STPG2: variants seen among roughly 807,000 people sequenced by gnomAD.
STPG2 encodes the protein sperm-tail PG-rich repeat-containing protein 2.
STPG2 carries 56 observed loss-of-function variants against 54.2 expected under a neutral mutation model. The observed-to-expected ratio is 1.03, with a 90% CI of 0.83 to 1.29. The LOEUF (loss-of-function observed/expected upper bound fraction) is 1.29, where lower values mean the gene tolerates loss of function less well. Among genes scored for constraint, STPG2 ranks in the 50% most tolerant of loss-of-function variants. The probability of loss-of-function intolerance (pLI) is 0.00; values close to 1 mark genes in which losing one functional copy is unlikely to be tolerated. For synonymous variants in STPG2, 200 were observed against 181.8 expected, an observed-to-expected ratio of 1.10 and a Z score of -0.81; for missense variants, 596 against 544.9, an observed-to-expected ratio of 1.09 and a Z score of -0.93.
chr4:98,089,624 T>G (rs564000867), intron 5 of STPG2, among the ~76,000 whole-genome samples: 93 of 152,180 alleles, frequency 6.1e-4, no homozygotes, highest in African/African-American at 2.2e-3. Context: ...TTAAGGAATA[T>G]CCACACTGTT....
intron 5 of STPG2, among the ~76,000 whole-genome samples, chr4:98,087,761 C>T (rs914616010): frequency 3.3e-5 from 5 of 152,004 alleles, no homozygotes; most frequent in Admixed American, 2.0e-4. Context: ...GGGGTTTCAC[C>T]GTGTTAGCCA....
chr4:97,831,136 C>T (rs1252880147), intron 9 of STPG2, among the ~76,000 whole-genome samples: 1 of 152,188 alleles, frequency 6.6e-6, no homozygotes, highest in Non-Finnish European at 1.5e-5. Context: ...AAACACTCTT[C>T]AGCAAATGCA....
chr4:97,470,042 C>A (rs1729885115), intron 4 of STPG2, among the ~76,000 whole-genome samples: 1 of 151,972 alleles, frequency 6.6e-6, no homozygotes, highest in Non-Finnish European at 1.5e-5. Flanking sequence ...ACAGTGAATC[C>A]TATTGAAACC....
Position 98,046,193 on chromosome 4 carries a change from T to C in STPG2, c.612+59760A>G, listed in dbSNP as rs72884216. Among the ~76,000 whole-genome samples the C allele has an allele frequency of 9.1e-4, 138 of 152,290 alleles. 2 individuals carry two copies. The highest frequency in any genetic ancestry group is 3.3e-3 in the African/African-American group (137 of 41,568). ...GATCAGTTGCTGGATTCTTCAGCTC[T>C]ATCACTTCTGTCTGACTTTTTTCTA... On this transcript the variant is annotated intron_variant, in intron 5 of 10. Coordinates refer to ENST00000295268, the MANE Select transcript of STPG2 (RefSeq NM_174952.3).
intron 4 of STPG2, among the ~76,000 whole-genome samples, chr4:97,548,287 G>T (rs1439142261): frequency 1.3e-5 from 2 of 152,086 alleles, no homozygotes; most frequent in African/African-American, 4.8e-5. Context: ...AGAAAACTAA[G>T]AAAAAACAGG....
At chr4:97,517,508 T>C (rs551954348) in intron 4 of STPG2, among the ~76,000 whole-genome samples, 30 of 152,302 alleles carry the variant, frequency 2.0e-4, no homozygotes, top group African/African-American at 6.5e-4. Context: ...CTCTGACTGC[T>C]ATTTGGAGAA....
At chr4:97,790,433 C>T (rs528351866) in intron 9 of STPG2, among the ~76,000 whole-genome samples, 21 of 152,276 alleles carry the variant, frequency 1.4e-4, no homozygotes, top group African/African-American at 5.1e-4. Flanking sequence ...CTGTGTCTCA[C>T]AAGGCCAAAA....
chr4:98,052,048 T>C (rs1737338967), intron 5 of STPG2, among the ~76,000 whole-genome samples: 1 of 149,426 alleles, frequency 6.7e-6, no homozygotes, highest in East Asian at 2.0e-4. Flanking sequence ...GATTGCATCA[T>C]TGCACTCCAG....
At chr4:98,008,782 G>A (rs1329508071) in intron 5 of STPG2, among the ~76,000 whole-genome samples, 2 of 151,946 alleles carry the variant, frequency 1.3e-5, no homozygotes, top group East Asian at 3.9e-4. Flanking sequence ...TAAATTGGTG[G>A]AGTGAATTAA....
intron 8 of STPG2, among the ~76,000 whole-genome samples, chr4:97,906,051 C>G (rs1731403342): frequency 6.6e-6 from 1 of 152,060 alleles, no homozygotes. Flanking sequence ...ACACAAAAAC[C>G]CTTCAAAAAA....
chr4:97,686,053 A>C (rs987809446), intron 10 of STPG2, among the ~76,000 whole-genome samples: 1 of 152,156 alleles, frequency 6.6e-6, no homozygotes, highest in African/African-American at 2.4e-5. Flanking sequence ...GGGCAAGAAA[A>C]AGCATGTTAC....
At chr4:97,862,673 CA>C (rs1386682675) in intron 8 of STPG2, among the ~76,000 whole-genome samples, 1 of 152,066 alleles carries the variant, frequency 6.6e-6, no homozygotes, top group Non-Finnish European at 1.5e-5. Flanking sequence ...ACACCTATTC[CA>C]AAATTCACCA....
chr4:97,912,487 G>C (rs530625785), intron 8 of STPG2, among the ~76,000 whole-genome samples: 2 of 152,314 alleles, frequency 1.3e-5, no homozygotes, highest in South Asian at 4.1e-4. Flanking sequence ...CAACCTGATG[G>C]AGCTGAAATA....
At chr4:97,996,716 C>A (rs1735253219) in intron 5 of STPG2, among the ~76,000 whole-genome samples, 1 of 148,768 alleles carries the variant, frequency 6.7e-6, no homozygotes, top group Non-Finnish European at 1.5e-5. Flanking sequence ...AAGGAAACTA[C>A]CTAAACAAAT....
intron 10 of STPG2, among the ~76,000 whole-genome samples, chr4:97,675,295 G>A (rs947698134): frequency 5.9e-5 from 9 of 152,160 alleles, no homozygotes; most frequent in Middle Eastern, 3.4e-3. Context: ...GAGCCACCGC[G>A]CCTGGCCTGA....
chr4:98,046,604 G>A (rs913202216), intron 5 of STPG2, among the ~76,000 whole-genome samples: 2 of 152,126 alleles, frequency 1.3e-5, no homozygotes, highest in Non-Finnish European at 2.9e-5. Context: ...CCCCTAGAAA[G>A]TCAGTATGGA....
intron 5 of STPG2, among the ~76,000 whole-genome samples, chr4:98,015,955 G>A (rs1560636636): frequency 6.6e-6 from 1 of 152,010 alleles, no homozygotes; most frequent in African/African-American, 2.4e-5. Flanking sequence ...ACTAACACAA[G>A]GACAGAAAAC....
intron 8 of STPG2, among the ~76,000 whole-genome samples, chr4:97,923,694 G>A (rs1223394424): frequency 6.6e-6 from 1 of 152,130 alleles, no homozygotes; most frequent in Non-Finnish European, 1.5e-5. Context: ...AAGGGATTGT[G>A]AATGCACCAA....
chr4:98,018,832 T>G (rs577679034), intron 5 of STPG2, among the ~76,000 whole-genome samples: 4 of 152,118 alleles, frequency 2.6e-5, no homozygotes, highest in South Asian at 2.1e-4. Context: ...AGAAGTGTCT[T>G]TTCATATCCT....
Sources: gnomAD v4.1 joint callset for allele counts (sites outside exome capture counted in the v4.1 genomes callset) on GRCh38, gnomAD v4.1.1 for gene constraint, MANE v1.5 for transcripts, NCBI Gene and HGNC (gene_info 2026-07-23, HGNC 2026-07-21) for gene names.